Variants in RC3H2 observed in about 807,000 individuals in gnomAD.
RC3H2 encodes the protein ring finger and CCCH-type domains 2.
Under a neutral mutation model 133.3 loss-of-function variants are expected in RC3H2, and 31 were observed. The ratio of observed to expected loss-of-function variants is 0.23; its 90% confidence interval spans 0.17 to 0.31. The LOEUF is 0.31. Ranked by LOEUF, RC3H2 falls within the 10% of genes least tolerant of loss-of-function variation. RC3H2 has a pLI of 1.00. For synonymous variants in RC3H2, 517 were observed against 502.2 expected (o/e 1.03, Z -0.40); for missense variants, 1,175 against 1,437.2 (o/e 0.82, Z 2.95).
intron 9 of RC3H2, among the ~76,000 whole-genome samples, chr9:122,872,266 G>T (rs1053570514): frequency 6.6e-6 from 1 of 152,116 alleles, no homozygotes; most frequent in Non-Finnish European, 1.5e-5. Flanking sequence ...ATTGGTCCAT[G>T]TTGTCAGCTC....
At chr9:122,884,573 C>T (rs1233457262) in intron 4 of RC3H2, among the ~76,000 whole-genome samples, 4 of 151,956 alleles carry the variant, frequency 2.6e-5, no homozygotes, top group Non-Finnish European at 5.9e-5. Flanking sequence ...TATTCTGAGA[C>T]TGGGCACGCT....
intron 20 of RC3H2, 23 bp downstream of exon 20, chr9:122,851,058 T>C (rs1428916877): frequency 3.1e-6 from 5 of 1,613,184 alleles, no homozygotes; most frequent in Non-Finnish European, 4.2e-6. Flanking sequence ...CCACTGTTTA[T>C]GAATTTTCTG....
chr9:122,857,893 G>A (rs772359658), intron 13 of RC3H2, 30 bp downstream of exon 13: 13 of 1,594,164 alleles, frequency 8.2e-6, no homozygotes, highest in Non-Finnish European at 1.1e-5. Context: ...ACCTATCCCT[G>A]CAACATTAAG....
At chr9:122,879,066 TC>T (rs1486579234) in intron 8 of RC3H2, among the ~76,000 whole-genome samples, 4 of 149,892 alleles carry the variant, frequency 2.7e-5, no homozygotes, top group African/African-American at 7.3e-5. Context: ...CAGGTTTATA[TC>T]TTAACTTCTA....
Position 122,854,548 on chromosome 9 carries a change from T to C in RC3H2, c.2883A>G (p.Ser961=). Residue 961 remains serine (S), a synonymous_variant, in exon 16 of 21, where the codon TCA becomes TCG. Coordinates refer to ENST00000357244, the MANE Select transcript of RC3H2 (RefSeq NM_001100588.3). The part of the protein sequence containing the change: ...WSSYGNEATS[S]AHYVERDRFI... Reference sequence around the variant, plus strand: ...AACGTTACCTTTCAACATAGTGTGCTGATGATGTGGCCTCGTTGCCATATG... The same window carrying C: ...AACGTTACCTTTCAACATAGTGTGCCGATGATGTGGCCTCGTTGCCATATG... The C allele has an allele frequency of 2.5e-6, 4 of 1,612,658 alleles. No individual in the cohort carries two copies. The highest frequency in any genetic ancestry group is 3.4e-6 in the Non-Finnish European group (4 of 1,178,630).
At chr9:122,883,739 T>C (rs1831757359) in intron 4 of RC3H2, among the ~76,000 whole-genome samples, 1 of 152,072 alleles carries the variant, frequency 6.6e-6, no homozygotes, top group Non-Finnish European at 1.5e-5. Flanking sequence ...CCCAGCACGT[T>C]GAGAGGCCGA....
chr9:122,886,523 C>T (rs368068992), intron 4 of RC3H2, among the ~76,000 whole-genome samples: 10 of 152,296 alleles, frequency 6.6e-5, no homozygotes, highest in African/African-American at 2.4e-4. Flanking sequence ...ACATTCTCCA[C>T]GTTCTCATCA....
At position 122,880,735 on chromosome 9, in the gene RC3H2, A is replaced by AT; in HGVS notation, c.818dup (p.Tyr273Ter). 1 of 1,614,138 alleles carries AT rather than the reference A, an allele frequency of 6.2e-7. No individual in the cohort carries two copies. Among genetic ancestry groups the AT allele is most frequent in the African/African-American group, 1.3e-5 (1 of 75,060 alleles). ...CATCATGTTCTCTGCGTAATGCTTC[A>AT]TAACTCCGAAATTCCTCCTTCAGCT... ...LMQLKEEFRS[Y>*]EALRREHDAQ... Residue 273 changes from tyrosine (Y) to a stop codon, truncating the protein, a stop_gained and frameshift_variant, in exon 6 of 21, where the codon TAT (tyrosine) becomes TAAT (stop). Transcript: ENST00000357244. LOFTEE classifies it high-confidence loss of function.
At chr9:122,856,991 C>T (rs541134908) in intron 13 of RC3H2, among the ~76,000 whole-genome samples, 11 of 152,102 alleles carry the variant, frequency 7.2e-5, no homozygotes, top group Non-Finnish European at 1.5e-4. Context: ...TTTGACAAGA[C>T]CTATTTGGAT....
chr9:122,890,609 AT>A (rs1423974123), intron 3 of RC3H2, 64 bp from the exon 4 acceptor site: 1 of 1,251,952 alleles, frequency 8.0e-7, no homozygotes, highest in East Asian at 2.4e-5. Context: ...GTCAATTTTC[AT>A]TATCTGCATT....
intron 6 of RC3H2, chr9:122,880,365 G>A: frequency 1.4e-6 from 1 of 735,414 alleles, no homozygotes. Context: ...ATAAATTTGA[G>A]ACTTTGTAAG....
intron 1 of RC3H2, among the ~76,000 whole-genome samples, chr9:122,899,096 T>TTTTG: frequency 7.8e-6 from 1 of 127,942 alleles, no homozygotes; most frequent in African/African-American, 3.0e-5. Context: ...TTGTGTTTTT[T>TTTTG]TTTTTTTTTT....
At chr9:122,850,405 G>A (rs1322274216) in intron 20 of RC3H2, among the ~76,000 whole-genome samples, 1 of 142,822 alleles carries the variant, frequency 7.0e-6, no homozygotes, top group Non-Finnish European at 1.5e-5. Context: ...TTATAGCCAA[G>A]AAAATATACT....
At chr9:122,899,512 C>T (rs544851150) in intron 1 of RC3H2, among the ~76,000 whole-genome samples, 2 of 152,310 alleles carry the variant, frequency 1.3e-5, no homozygotes, top group African/African-American at 4.8e-5. Context: ...TGCAAATTAT[C>T]TAATATCGTT....
At chr9:122,861,320 G>C (rs1036244864) in intron 10 of RC3H2, among the ~76,000 whole-genome samples, 1 of 151,716 alleles carries the variant, frequency 6.6e-6, no homozygotes, top group South Asian at 2.1e-4. Context: ...GAGATACCCC[G>C]TCTCTACTAA....
intron 9 of RC3H2, among the ~76,000 whole-genome samples, chr9:122,866,125 TATAATTTAAAAAA>T (rs1830639289): frequency 6.6e-6 from 1 of 152,200 alleles, no homozygotes; most frequent in Non-Finnish European, 1.5e-5. Context: ...AAAAGGATTA[TATAATTTAAAAAA>T]ATAATTTAAA....
At chr9:122,852,472 G>T (rs929088550) in intron 18 of RC3H2, among the ~76,000 whole-genome samples, 2 of 138,996 alleles carry the variant, frequency 1.4e-5, no homozygotes, top group African/African-American at 5.4e-5. Context: ...CTGCCCGGCC[G>T]CCCCTACTGG....
intron 9 of RC3H2, among the ~76,000 whole-genome samples, chr9:122,867,166 G>GC (rs1448576427): frequency 1.5e-5 from 2 of 130,962 alleles, no homozygotes; most frequent in Non-Finnish European, 3.4e-5. Context: ...CCTCCGCCCG[G>GC]CAGCCGGCCC....
At chr9:122,887,359 T>C (rs778736486) in intron 4 of RC3H2, among the ~76,000 whole-genome samples, 6 of 152,132 alleles carry the variant, frequency 3.9e-5, no homozygotes, top group Non-Finnish European at 7.3e-5. Context: ...AGCTCCTTCA[T>C]GTTCAACTTT....
Sources: gnomAD v4.1 joint callset for allele counts (sites outside exome capture counted in the v4.1 genomes callset) on GRCh38, gnomAD v4.1.1 for gene constraint, MANE v1.5 for transcripts, NCBI Gene and HGNC (gene_info 2026-07-23, HGNC 2026-07-21) for gene names.